CFAP54: variants seen among roughly 807,000 people sequenced by gnomAD.
CFAP54 encodes cilia- and flagella-associated protein 54.
Under a neutral mutation model 370.4 loss-of-function variants are expected in CFAP54, and 290 were observed. The observed-to-expected ratio is 0.78, with a 90% CI of 0.71 to 0.86. The LOEUF (loss-of-function observed/expected upper bound fraction) is 0.86, where lower values mean the gene tolerates loss of function less well. CFAP54 is among the 40% of genes least tolerant of loss of function. The pLI is 0.00. For missense variants in CFAP54, 3,399 were observed against 3,528.7 expected, an observed-to-expected ratio of 0.96 and a Z score of 0.93; for synonymous variants, 1,206 against 1,236.5, an observed-to-expected ratio of 0.98 and a Z score of 0.52.
chr12:96,489,956 G>A (rs1954859502), intron 1 of CFAP54, 30 bp downstream of exon 1: 2 of 1,509,392 alleles, frequency 1.3e-6, no homozygotes, highest in East Asian at 4.9e-5. Flanking sequence ...TGGGGAGGGC[G>A]CCGGCCAGAG....
At chr12:96,819,088 G>A (rs1959004887) in intron 65 of CFAP54, among the ~76,000 whole-genome samples, 1 of 152,228 alleles carries the variant, frequency 6.6e-6, no homozygotes, top group Admixed American at 6.5e-5. Flanking sequence ...ATTCCGCTCT[G>A]CAGAGGCAAC....
At position 96,652,337 on chromosome 12, in the gene CFAP54, C is replaced by T. The variant is rs17025654; in HGVS notation, c.5100+522C>T. ...TTAGTAAACACATACACATGTTGTG[C>T]CATGAGGCTTATAACATTTCTAGAG... On this transcript the variant is annotated intron_variant, in intron 36 of 67. Coordinates refer to ENST00000524981, the MANE Select transcript of CFAP54 (RefSeq NM_001306084.2). Among the ~76,000 whole-genome samples, 1,093 of 152,262 alleles carry T rather than the reference C, an allele frequency of 7.2e-3. 8 individuals are homozygous for T. Among genetic ancestry groups the T allele is most frequent in the African/African-American group, 0.024 (992 of 41,526 alleles).
intron 26 of CFAP54, among the ~76,000 whole-genome samples, chr12:96,599,774 T>C (rs1274303784): frequency 1.3e-5 from 2 of 152,246 alleles, no homozygotes; most frequent in South Asian, 4.1e-4. Context: ...ATGAGCATTT[T>C]TCCATGTGTC....
intron 39 of CFAP54, among the ~76,000 whole-genome samples, chr12:96,676,349 C>T (rs1957208563): frequency 6.6e-6 from 1 of 152,152 alleles, no homozygotes; most frequent in Admixed American, 6.5e-5. Flanking sequence ...GTAACTATCT[C>T]ATATTATTAT....
intron 42 of CFAP54, among the ~76,000 whole-genome samples, chr12:96,686,097 A>G (rs1386899794): frequency 6.6e-6 from 1 of 152,202 alleles, no homozygotes; most frequent in Non-Finnish European, 1.5e-5. Flanking sequence ...GGGTGGCTTA[A>G]ACAACAACTT....
intron 9 of CFAP54, among the ~76,000 whole-genome samples, chr12:96,530,678 C>A (rs1243731952): frequency 6.6e-6 from 1 of 152,160 alleles, no homozygotes; most frequent in Non-Finnish European, 1.5e-5. Context: ...TTTCATTTCT[C>A]TGGAATAAAA....
intron 46 of CFAP54, among the ~76,000 whole-genome samples, 181 bp downstream of exon 46, chr12:96,700,274 G>A (rs2136577433): frequency 6.6e-6 from 1 of 152,284 alleles, no homozygotes; most frequent in South Asian, 2.1e-4. Flanking sequence ...TTGGAAGAGT[G>A]TCATGGGGGA....
At chr12:96,577,198 T>A (rs1398519467) in intron 20 of CFAP54, among the ~76,000 whole-genome samples, 1 of 152,220 alleles carries the variant, frequency 6.6e-6, no homozygotes. Flanking sequence ...GTCTAGAGGT[T>A]CTGCCCAAAG....
At chr12:96,740,251 A>T (rs776434261) in intron 51 of CFAP54, among the ~76,000 whole-genome samples, 190 bp downstream of exon 51, 1 of 151,814 alleles carries the variant, frequency 6.6e-6, no homozygotes, top group Non-Finnish European at 1.5e-5. Context: ...TCTCTTAATT[A>T]AAAAAAAATT....
intron 26 of CFAP54, among the ~76,000 whole-genome samples, chr12:96,618,278 C>T (rs574328174): frequency 4.6e-5 from 7 of 152,120 alleles, no homozygotes; most frequent in East Asian, 1.9e-4. Context: ...TTCAGCTTAT[C>T]GACATACTCC....
intron 66 of CFAP54, among the ~76,000 whole-genome samples, chr12:96,849,169 G>GA (rs1399237437): frequency 6.6e-6 from 1 of 152,128 alleles, no homozygotes; most frequent in East Asian, 1.9e-4. Context: ...GATGTATTAA[G>GA]AAAAAATAGA....
chr12:96,626,375 G>C (rs1252340055), intron 29 of CFAP54, among the ~76,000 whole-genome samples: 1 of 148,928 alleles, frequency 6.7e-6, no homozygotes, highest in African/African-American at 2.5e-5. Flanking sequence ...GACAGAGTGA[G>C]ACTCTGTCTC....
At position 96,817,990 on chromosome 12, in the gene CFAP54, A is replaced by T. The variant is rs1041961246; in HGVS notation, c.9096+77A>T. The T allele has an allele frequency of 1.0e-5, 11 of 1,051,680 alleles. No individual in the cohort carries two copies. In the Middle Eastern group the frequency reaches 1.7e-3, roughly 161 times the overall value. The allele number at this position is 1,051,680 out of a possible 1,614,324, so 65.1% of individuals were successfully genotyped here. A position where few individuals can be genotyped will look rare whatever the true frequency, so the allele number is the denominator to read the frequency against. ...CCTCAAAGCAGAACTATGTAACTGG[A>T]CTTAAACTCTGTAATTCTTCTGCCT... On this transcript the variant is annotated intron_variant, in intron 65 of 67. Coordinates refer to ENST00000524981, the MANE Select transcript of CFAP54 (RefSeq NM_001306084.2).
intron 19 of CFAP54, among the ~76,000 whole-genome samples, chr12:96,568,929 A>G (rs1955887090): frequency 6.8e-6 from 1 of 146,708 alleles, no homozygotes; most frequent in African/African-American, 2.5e-5. Flanking sequence ...AATTATGGGG[A>G]TTCATTTTTC....
rs563678037 is a variant in CFAP54 at position 96,828,667 on chromosome 12, G to A, written c.9097-347G>A. 2.0e-4 allele frequency among the ~76,000 whole-genome samples: 31 copies of A among 152,116 alleles called. No homozygotes were observed. In the South Asian group the frequency reaches 4.8e-3, roughly 23 times the overall value. On this transcript the variant is annotated intron_variant, in intron 65 of 67. Transcript: ENST00000524981. The stretch of plus-strand genomic sequence containing the variant: ...CTATTGACTCTCTTCCTTTTCATTC[G>A]CTCTTCCCCTGTCTTCCATAATTTC...
At chr12:96,730,215 C>T (rs2136626002) in intron 50 of CFAP54, among the ~76,000 whole-genome samples, 1 of 152,260 alleles carries the variant, frequency 6.6e-6, no homozygotes, top group South Asian at 2.1e-4. Flanking sequence ...CCATGAAATG[C>T]AGAAACCCTG....
chr12:96,749,903 G>A (rs1260898650), intron 55 of CFAP54, among the ~76,000 whole-genome samples: 1 of 152,158 alleles, frequency 6.6e-6, no homozygotes, highest in African/African-American at 2.4e-5. Context: ...AATTTCAGTA[G>A]TGGCCATGCT....
chr12:96,528,819 T>C (rs1281352582), intron 9 of CFAP54, among the ~76,000 whole-genome samples: 1 of 152,152 alleles, frequency 6.6e-6, no homozygotes, highest in Non-Finnish European at 1.5e-5. Flanking sequence ...TTATACTTTC[T>C]TGGGTTTGCT....
intron 1 of CFAP54, among the ~76,000 whole-genome samples, chr12:96,495,005 G>A (rs1412245096): frequency 6.6e-6 from 1 of 152,168 alleles, no homozygotes; most frequent in Non-Finnish European, 1.5e-5. Flanking sequence ...GATTACAGGC[G>A]TGAGCCACTG....
Sources: allele counts gnomAD v4.1 joint callset (sites outside exome capture counted in the v4.1 genomes callset), GRCh38; gene constraint gnomAD v4.1.1; transcripts MANE v1.5; gene names NCBI Gene and HGNC (gene_info 2026-07-23, HGNC 2026-07-21).